DEPDC5: variants seen among roughly 807,000 people sequenced by gnomAD.
DEPDC5 encodes GATOR1 complex protein DEPDC5.
DEPDC5 carries 73 observed loss-of-function variants against 217.3 expected under a neutral mutation model. The ratio of observed to expected loss-of-function variants is 0.34; its 90% confidence interval spans 0.28 to 0.41. The LOEUF is 0.41. Among genes scored for constraint, DEPDC5 ranks in the 10% least tolerant of loss-of-function variants. The probability of loss-of-function intolerance (pLI) is 1.00; values close to 1 mark genes in which losing one functional copy is unlikely to be tolerated. For synonymous variants in DEPDC5, 733 were observed against 756.7 expected (o/e 0.97, Z 0.51); for missense variants, 1,675 against 2,070.1 (o/e 0.81, Z 3.70).
chr22:31,851,110 G>C (rs1362454634), intron 31 of DEPDC5, among the ~76,000 whole-genome samples: 1 of 152,020 alleles, frequency 6.6e-6, no homozygotes, highest in Non-Finnish European at 1.5e-5. Flanking sequence ...ATTTACACAG[G>C]GTCCACATCT....
chr22:31,879,043 A>T (rs551818341), intron 37 of DEPDC5, among the ~76,000 whole-genome samples: 290 of 119,430 alleles, frequency 2.4e-3, no homozygotes, highest in South Asian at 0.011. Flanking sequence ...AAAAAAAAAA[A>T]ATATATATAT....
At chr22:31,835,720 A>T (rs1159389576) in intron 25 of DEPDC5, among the ~76,000 whole-genome samples, 3 of 152,194 alleles carry the variant, frequency 2.0e-5, no homozygotes, top group Admixed American at 6.5e-5. Flanking sequence ...AAAAATGGAG[A>T]TGATTAATTA....
chr22:31,759,388 T>C (rs568926637), intron 3 of DEPDC5, among the ~76,000 whole-genome samples: 2 of 151,920 alleles, frequency 1.3e-5, no homozygotes, highest in Admixed American at 6.6e-5. Context: ...TTTTTGTTTT[T>C]TTTGAGATGA....
chr22:31,778,111 T>A lies in DEPDC5; in HGVS notation c.426T>A (p.Gly142=). 6.2e-7 allele frequency: 1 copy of A among 1,614,182 alleles called. No individual in the cohort carries two copies. The highest frequency in any genetic ancestry group is 8.5e-7 in the Non-Finnish European group (1 of 1,180,022). ...VEFAGIRAQA[G]ELWVKNEKVM... ...TGTATTCTTTCAGAGCACAGGCTGG[T>A]GAACTGTGGGTTAAGAATGAGAAGG... Residue 142 remains glycine (G), a synonymous_variant, in exon 8 of 43, where the codon GGT becomes GGA. Coordinates refer to ENST00000651528, the MANE Select transcript of DEPDC5 (RefSeq NM_001242896.3).
Position 31,843,685 on chromosome 22 carries a change from C to A in DEPDC5, c.2674C>A (p.Leu892Ile). ...ESAQIHYTYSLCPSHSDSEFV... is the reference protein window; with the variant it reads ...ESAQIHYTYSICPSHSDSEFV... The stretch of plus-strand genomic sequence containing the variant: ...TGCCCAGATCCACTACACCTACAGC[C>A]TCTGTCCTTCCCACTCAGACTCAGA... The change falls in exon 29 of 43, where the codon CTC (leucine) becomes ATC (isoleucine). Residue 892 changes from leucine to isoleucine, a missense_variant. By Grantham distance (5) the Leu-to-Ile change is conservative. Around this residue, in one of 11 missense-constraint regions of DEPDC5, gnomAD observed 293 missense variants for 386.1 expected, o/e 0.76. Transcript: ENST00000651528. 6.2e-7 allele frequency: 1 copy of A among 1,613,676 alleles called. No homozygotes were observed. The highest frequency in any genetic ancestry group is 8.5e-7 in the Non-Finnish European group (1 of 1,179,674).
rs544250059 is a variant in DEPDC5, at chr22:31,815,496, C to A, written c.1666+284C>A. 7.6e-6 allele frequency: 5 copies of A among 661,556 alleles called. No individual in the cohort carries two copies. In the Admixed American group the frequency reaches 1.3e-4, roughly 17 times the overall value. The allele number at this position is 661,556 out of a possible 1,614,324, so 41.0% of individuals were successfully genotyped here. On this transcript the variant is annotated intron_variant, in intron 21 of 42. Transcript: ENST00000651528. The stretch of plus-strand genomic sequence containing the variant: ...AACTCCTGGACTCAATCGATCCTCC[C>A]ACCTCTGCCTCCCAAGTAACTGGGA...
intron 24 of DEPDC5, chr22:31,826,333 C>G (rs1419045438): frequency 3.8e-6 from 1 of 261,234 alleles, no homozygotes; most frequent in Admixed American, 5.6e-5. Flanking sequence ...ATGTGATAAT[C>G]CACATAAATT....
Position 31,874,353 on chromosome 22 carries a change from T to G in DEPDC5, c.3644T>G (p.Val1215Gly). The G allele has an allele frequency of 6.2e-7, 1 of 1,611,960 alleles. No individual in the cohort carries two copies. Among genetic ancestry groups the G allele is most frequent in the Non-Finnish European group, 8.5e-7 (1 of 1,179,164 alleles). ...FISAEVVHWL[V>G]NHVEGIQTQA... ...AGCGCGGAGGTGGTACACTGGTTGG[T>G]GAACCACGTGGAGGGGATCCAGACA... The change falls in exon 36 of 43, where the codon GTG becomes GGG. Residue 1215 changes from valine (V) to glycine (G), a missense_variant. Physicochemically the swap from Val to Gly is moderately radical, Grantham distance 109 (BLOSUM62 -3). This residue lies in a region of DEPDC5 where 194 missense variants were observed against 199.3 expected (regional missense o/e 0.97). Coordinates refer to ENST00000651528, the MANE Select transcript of DEPDC5 (RefSeq NM_001242896.3).
At chr22:31,843,504 C>T (rs1026835776) in intron 28 of DEPDC5, 141 bp from the exon 29 acceptor site, 21 of 989,690 alleles carry the variant, frequency 2.1e-5, no homozygotes, top group African/African-American at 6.5e-5. Context: ...TTTCTAGTAC[C>T]GTTCCCTGGG....
chr22:31,861,299 A>G (rs747980184), intron 32 of DEPDC5, 69 bp from the exon 33 acceptor site: 4 of 1,429,830 alleles, frequency 2.8e-6, no homozygotes, highest in Non-Finnish European at 3.8e-6. Context: ...ATGGTTAACC[A>G]CTGGTACACA....
chr22:31,877,866 CA>C (rs2093049037), intron 37 of DEPDC5, among the ~76,000 whole-genome samples: 1 of 150,998 alleles, frequency 6.6e-6, no homozygotes, highest in Admixed American at 6.6e-5. Context: ...ATCCTGCAGA[CA>C]AATGGCTTCT....
intron 40 of DEPDC5, 87 bp downstream of exon 40, chr22:31,897,740 G>A (rs773622234): frequency 5.4e-6 from 8 of 1,477,276 alleles, no homozygotes; most frequent in Non-Finnish European, 7.3e-6. Flanking sequence ...CAGTCAACAC[G>A]GACTAGGGAA....
Position 31,810,530 on chromosome 22 carries a change from G to A in DEPDC5, c.1334G>A (p.Ser445Asn), listed in dbSNP as rs201797550. The change falls in exon 20 of 43, where the codon AGT becomes AAT. Residue 445 changes from serine to asparagine, a missense_variant. Physicochemically the swap from Ser to Asn is conservative, Grantham distance 46 (BLOSUM62 1). Transcript: ENST00000651528. ...TATTTGTGTATTTCAGCTCTCGGGA[G>A]TCCAAAAGAATCTGAGAACGCCCTT... ...AKNGRDTSLGSPKESENALPI... is the reference protein window; with the variant it reads ...AKNGRDTSLGNPKESENALPI... The A allele has an allele frequency of 4.4e-5, 71 of 1,614,012 alleles. No homozygotes were observed. Among genetic ancestry groups the A allele is most frequent in the Non-Finnish European group, 5.4e-5 (64 of 1,180,028 alleles).
At chr22:31,881,138 C>A (rs2093162970) in intron 38 of DEPDC5, among the ~76,000 whole-genome samples, 1 of 151,754 alleles carries the variant, frequency 6.6e-6, no homozygotes, top group South Asian at 2.1e-4. Context: ...TGATGAAATT[C>A]TGTCTCTACC....
In DEPDC5 at chr22:31,833,950, G is replaced by A; in HGVS notation, c.2140G>A (p.Glu714Lys). ...TAGGACCCAGAATAAGGATTCTCTA[G>A]AGGACAGTGTTTCTACCTCTCCAGA... Reference protein sequence around the residue: ...NPRTQNKDSLEDSVSTSPDPI... With the variant: ...NPRTQNKDSLKDSVSTSPDPI... Residue 714 changes from glutamate (E) to lysine (K), a missense_variant, in exon 25 of 43, where the codon GAG (glutamate) becomes AAG (lysine). Physicochemically the swap from Glu to Lys is moderately conservative, Grantham distance 56 (BLOSUM62 1). This residue lies in a region of DEPDC5 where 136 missense variants were observed against 132.2 expected (regional missense o/e 1.03). Transcript: ENST00000651528. 2 of 1,612,462 alleles carry A rather than the reference G, an allele frequency of 1.2e-6. No homozygotes were observed. The highest frequency in any genetic ancestry group is 1.7e-6 in the Non-Finnish European group (2 of 1,179,128).
intron 8 of DEPDC5, among the ~76,000 whole-genome samples, chr22:31,780,511 G>A (rs1034339373): frequency 1.3e-5 from 2 of 152,054 alleles, no homozygotes; most frequent in African/African-American, 4.8e-5. Flanking sequence ...CAGTGTCCTC[G>A]CCACGCAAAC....
rs1202832192 is a variant in DEPDC5 at position 31,767,321 on chromosome 22, C to T, written c.363+653C>T. ...ATGCCCGGCTAATTTTTTTTTGAGA[C>T]GGAGTTTCTTGTTGCCCAGGCTGGA... On this transcript the variant is annotated intron_variant, in intron 6 of 42. Transcript: ENST00000651528. Among the ~76,000 whole-genome samples, 4 of 151,160 alleles carry T rather than the reference C, an allele frequency of 2.6e-5. No individual in the cohort carries two copies. The South Asian group carries it at 6.3e-4, about 24-fold the overall frequency.
chr22:31,795,959 A>T (rs1276585589), intron 12 of DEPDC5, among the ~76,000 whole-genome samples: 1 of 151,366 alleles, frequency 6.6e-6, no homozygotes, highest in African/African-American at 2.4e-5. Context: ...CAAACTCCCG[A>T]CCTCAGGTGA....
chr22:31,870,476 T>G, intron 33 of DEPDC5, 114 bp from the exon 34 acceptor site: 1 of 1,172,710 alleles, frequency 8.5e-7, no homozygotes, highest in Non-Finnish European at 1.1e-6. Flanking sequence ...TTGCATTAAT[T>G]TTTGTTTATT....
Sources: gnomAD v4.1 joint callset for allele counts (sites outside exome capture counted in the v4.1 genomes callset) on GRCh38, gnomAD v4.1.1 for gene constraint, gnomAD v4.1.1 regional missense constraint, MANE v1.5 for transcripts, NCBI Gene and HGNC (gene_info 2026-07-23, HGNC 2026-07-21) for gene names.